CCT6B: variants seen among roughly 807,000 people sequenced by gnomAD.
The protein encoded by CCT6B is chaperonin containing TCP1 subunit 6B, also known as probable T-complex protein 1 subunit zeta-2.
CCT6B carries 49 observed loss-of-function variants against 61.5 expected under a neutral mutation model. That is an observed-to-expected ratio of 0.80 (90% CI 0.63 to 1.01). The LOEUF is 1.01. Ranked by LOEUF, CCT6B falls within the 50% of genes least tolerant of loss-of-function variation. CCT6B has a pLI of 0.00. For missense variants in CCT6B, 666 were observed against 634.7 expected, an observed-to-expected ratio of 1.05 and a Z score of -0.53; for synonymous variants, 228 against 214.5, an observed-to-expected ratio of 1.06 and a Z score of -0.55.
At chr17:34,960,929 C>G (rs1304283772) in intron 1 of CCT6B, among the ~76,000 whole-genome samples, 5 of 152,140 alleles carry the variant, frequency 3.3e-5, no homozygotes, top group Admixed American at 6.5e-5. Flanking sequence ...ATTTATGGAC[C>G]AAGGGTATAC....
rs760199064 is a variant in CCT6B at position 34,939,301 on chromosome 17, C to G, written c.1095G>C (p.Glu365Asp). The change falls in exon 10 of 14, where the codon GAG becomes GAC. Residue 365 changes from glutamate to aspartate, a missense_variant. Physicochemically the swap from Glu to Asp is conservative, Grantham distance 45 (BLOSUM62 2). Coordinates refer to ENST00000314144, the MANE Select transcript of CCT6B (RefSeq NM_006584.4). Reference sequence around the variant, plus strand: ...AGGTAACAGAGCAAGGGTTAACACACTCCTCAATAAAAGTGAACTTTTCTT... The same window carrying G: ...AGGTAACAGAGCAAGGGTTAACACAGTCCTCAATAAAAGTGAACTTTTCTT... ...LGEEKFTFIE[E>D]CVNPCSVTLL... The G allele has an allele frequency of 1.2e-6, 2 of 1,613,180 alleles. No homozygotes were observed. The highest frequency in any genetic ancestry group is 2.2e-5 in the South Asian group (2 of 90,888).
chr17:34,946,996 A>G (rs533087362), intron 5 of CCT6B, among the ~76,000 whole-genome samples: 1 of 152,336 alleles, frequency 6.6e-6, no homozygotes, highest in South Asian at 2.1e-4. Context: ...TCATATTGCT[A>G]TGATAGTTGC....
intron 5 of CCT6B, among the ~76,000 whole-genome samples, chr17:34,950,487 A>C (rs2090278148): frequency 6.6e-6 from 1 of 152,216 alleles, no homozygotes; most frequent in African/African-American, 2.4e-5. Flanking sequence ...TCCTTATAAA[A>C]ATTTTATGCC....
chr17:34,942,585 C>A lies in CCT6B; in HGVS notation c.784G>T (p.Ala262Ser), dbSNP rs1455070895. 1 of 1,608,282 alleles carries A rather than the reference C, an allele frequency of 6.2e-7. No individual in the cohort carries two copies. Residue 262 changes from alanine to serine, a missense_variant, in exon 7 of 14, where the codon GCT becomes TCT. Physicochemically the swap from Ala to Ser is moderately conservative, Grantham distance 99 (BLOSUM62 1). Transcript: ENST00000314144. ...TAEEKEKLVK[A>S]ERKFIEDRVQ... ...CTATCTTCAATAAATTTTCTTTCAG[C>A]TTTTACCAATTTCTCTTTCTCTTCT... is the stretch of plus-strand genomic sequence containing the variant.
chr17:34,957,380 G>A (rs898900836), intron 3 of CCT6B, among the ~76,000 whole-genome samples: 2 of 152,012 alleles, frequency 1.3e-5, no homozygotes, highest in Admixed American at 6.6e-5. Context: ...CCGACCTCAG[G>A]TGATCCACCT....
chr17:34,948,677 G>T (rs1211450918), intron 5 of CCT6B, among the ~76,000 whole-genome samples: 1 of 146,714 alleles, frequency 6.8e-6, no homozygotes, highest in Non-Finnish European at 1.5e-5. Flanking sequence ...TCACGCCATT[G>T]CACTCCAGCC....
intron 2 of CCT6B, among the ~76,000 whole-genome samples, chr17:34,959,360 G>A (rs985518372): frequency 3.3e-5 from 5 of 149,968 alleles, no homozygotes; most frequent in Middle Eastern, 3.4e-3. Context: ...TGAACTCCTG[G>A]GCTCAAGCAA....
chr17:34,934,149 A>C (rs1018016309), intron 10 of CCT6B, among the ~76,000 whole-genome samples: 3 of 151,850 alleles, frequency 2.0e-5, no homozygotes, highest in Admixed American at 6.6e-5. Context: ...AAAAAAAAAA[A>C]AAACTAAAAA....
intron 5 of CCT6B, 60 bp from the exon 6 acceptor site, chr17:34,942,966 T>A: frequency 1.1e-6 from 1 of 945,582 alleles, no homozygotes; most frequent in Non-Finnish European, 1.6e-6. Context: ...GGTATAAAAT[T>A]ATCATTGTAC....
chr17:34,951,882 G>T, intron 5 of CCT6B, 68 bp downstream of exon 5: 1 of 685,178 alleles, frequency 1.5e-6, no homozygotes, highest in South Asian at 2.3e-5. Flanking sequence ...AGTAAGTAAT[G>T]AATTTAATAA....
intron 4 of CCT6B, among the ~76,000 whole-genome samples, chr17:34,954,210 G>GT (rs1410649759): frequency 6.6e-6 from 1 of 151,824 alleles, no homozygotes; most frequent in African/African-American, 2.4e-5. Context: ...TTCAAGTCAC[G>GT]TTTAAAAAAA....
intron 10 of CCT6B, 75 bp downstream of exon 10, chr17:34,939,108 G>T: frequency 1.7e-6 from 2 of 1,155,826 alleles, no homozygotes; most frequent in South Asian, 1.5e-5. Context: ...TACATACATA[G>T]GTGTGTGTGT....
chr17:34,954,701 A>G lies in CCT6B; in HGVS notation c.337-102T>C, dbSNP rs2090330032. ...TGTTCAAAAAAAGTTACTCACATTAATGCCATGAAATATAAGTGTACATAA... is the reference window on the plus strand; with the variant it reads ...TGTTCAAAAAAAGTTACTCACATTAGTGCCATGAAATATAAGTGTACATAA... On this transcript the variant is annotated intron_variant, in intron 3 of 13. Transcript: ENST00000314144. 7.2e-6 allele frequency: 6 copies of G among 830,448 alleles called. No individual in the cohort carries two copies. The East Asian group carries it at 8.3e-5, about 12-fold the overall frequency. 51.4% of individuals were successfully genotyped at this position (830,448 alleles called of 1,614,324 possible). A position where few individuals can be genotyped will look rare whatever the true frequency, so the allele number is the denominator to read the frequency against.
At chr17:34,954,743 T>C in intron 3 of CCT6B, 144 bp from the exon 4 acceptor site, 5 of 612,738 alleles carry the variant, frequency 8.2e-6, no homozygotes, top group Middle Eastern at 8.7e-4. Context: ...AAAGTCATTT[T>C]AGTGCTTCAT....
Position 34,942,516 on chromosome 17 carries a change from A to G in CCT6B, c.853T>C (p.Ser285Pro). Residue 285 changes from serine to proline, a missense_variant, in exon 7 of 14, where the codon TCA becomes CCA. Coordinates refer to ENST00000314144, the MANE Select transcript of CCT6B (RefSeq NM_006584.4). ...TTAATGACGACAAATCCTTTATTTG[A>G]CTGAGCACAGACTTTGTCCTTCAGG... is the stretch of plus-strand genomic sequence containing the variant. ...IDLKDKVCAQ[S>P]NKGFVVINQK... 1 of 1,594,660 alleles carries G rather than the reference A, an allele frequency of 6.3e-7. No individual in the cohort carries two copies. The highest frequency in any genetic ancestry group is 8.5e-7 in the Non-Finnish European group (1 of 1,175,302).
Position 34,959,650 on chromosome 17 carries a change from C to A in CCT6B, c.138G>T (p.Met46Ile). The change falls in exon 2 of 14, where the codon ATG becomes ATT. Residue 46 changes from methionine (M) to isoleucine (I), a missense_variant and splice_region_variant. By Grantham distance (10) the Met-to-Ile change is conservative. Transcript: ENST00000314144. ...TNLGPKGTMKMLVSGAGDIKL... is the reference protein window; with the variant it reads ...TNLGPKGTMKILVSGAGDIKL... Reference sequence around the variant, plus strand: ...TGATGTCACCTGCACCAGAAACAAGCCTGTTCAGAGAAGAATGATATTAAC... The same window carrying A: ...TGATGTCACCTGCACCAGAAACAAGACTGTTCAGAGAAGAATGATATTAAC... 1 of 1,605,934 alleles carries A rather than the reference C, an allele frequency of 6.2e-7. No homozygotes were observed. The highest frequency in any genetic ancestry group is 8.5e-7 in the Non-Finnish European group (1 of 1,172,682).
chr17:34,961,154 C>G (rs1162127696), intron 1 of CCT6B, 103 bp downstream of exon 1: 3 of 1,387,402 alleles, frequency 2.2e-6, no homozygotes, highest in Admixed American at 4.7e-5. Context: ...GGAAATCAAG[C>G]TCGCAAGAAC....
chr17:34,937,155 C>T (rs932913461), intron 10 of CCT6B, among the ~76,000 whole-genome samples: 4 of 151,124 alleles, frequency 2.6e-5, no homozygotes, highest in African/African-American at 7.3e-5. Flanking sequence ...AAGATCCTTT[C>T]TAAAAAAAAA....
chr17:34,953,476 C>T (rs2090315560), intron 4 of CCT6B, among the ~76,000 whole-genome samples: 1 of 151,692 alleles, frequency 6.6e-6, no homozygotes, highest in Admixed American at 6.6e-5. Context: ...ATTACAGGTG[C>T]CTGCTAACAT....
Sources: gnomAD v4.1 joint callset for allele counts (sites outside exome capture counted in the v4.1 genomes callset) on GRCh38, gnomAD v4.1.1 for gene constraint, MANE v1.5 for transcripts, NCBI Gene and HGNC (gene_info 2026-07-23, HGNC 2026-07-21) for gene names.